The following SEPTIN9 variants were observed in gnomAD, a reference collection of about 807,000 sequenced individuals.
The protein encoded by SEPTIN9 is septin 9.
A neutral mutation model predicts 56.6 loss-of-function variants in SEPTIN9; 13 were observed. The ratio of observed to expected loss-of-function variants is 0.23; its 90% CI spans 0.15 to 0.37. The LOEUF is 0.37. Ranked by LOEUF, SEPTIN9 falls within the 10% of genes least tolerant of loss-of-function variation. The probability of loss-of-function intolerance (pLI) is 1.00; values close to 1 mark genes in which losing one functional copy is unlikely to be tolerated. For synonymous variants in SEPTIN9, 332 were observed against 334.1 expected (o/e 0.99, Z 0.07); for missense variants, 650 against 823.1 (o/e 0.79, Z 2.57).
In SEPTIN9 at chr17:77,429,947, C is replaced by T. The variant is rs1006682266; in HGVS notation, c.721+27244C>T. ...GCTTCTGGGTTCCATGGGCGCCTTA[C>T]ACTGGCTTCCCTGTAGGACAGCAGA... On this transcript the variant is annotated intron_variant, in intron 3 of 11. Coordinates refer to ENST00000427177, the MANE Select transcript of SEPTIN9 (RefSeq NM_001113491.2). The surrounding 1 kb of genome is among the most constrained non-coding windows in gnomAD (Gnocchi z 5.2). 6.6e-6 allele frequency among the ~76,000 whole-genome samples: 1 copy of T among 152,216 alleles called. No homozygotes were observed. The highest frequency in any genetic ancestry group is 1.5e-5 in the Non-Finnish European group (1 of 68,032).
chr17:77,475,572 G>T lies in SEPTIN9; in HGVS notation c.722-6572G>T, dbSNP rs751383625. Reference sequence around the variant, plus strand: ...AGGTGGCCGTAGGGCTGCCGCAGGGGTGCTGGCCCCAGGGTCTGGATTCAG... The same window carrying T: ...AGGTGGCCGTAGGGCTGCCGCAGGGTTGCTGGCCCCAGGGTCTGGATTCAG... On this transcript the variant is annotated intron_variant, in intron 3 of 11. Coordinates refer to ENST00000427177, the MANE Select transcript of SEPTIN9 (RefSeq NM_001113491.2). This position sits in a 1 kb window ranked among gnomAD's most constrained non-coding sequence, Gnocchi z 4.6. The T allele has an allele frequency of 5.0e-6, 8 of 1,613,396 alleles. No individual in the cohort carries two copies. The highest frequency in any genetic ancestry group is 4.4e-5 in the South Asian group (4 of 91,070).
chr17:77,488,480 A>G (rs893392605), intron 6 of SEPTIN9, among the ~76,000 whole-genome samples, 159 bp downstream of exon 6: 1 of 152,160 alleles, frequency 6.6e-6, no homozygotes, highest in African/African-American at 2.4e-5. Flanking sequence ...GGGCCTGAAA[A>G]TTCTGGACCA....
intron 2 of SEPTIN9, among the ~76,000 whole-genome samples, chr17:77,348,541 C>A (rs956045624): frequency 1.2e-4 from 18 of 152,138 alleles, no homozygotes; most frequent in African/African-American, 4.1e-4. Context: ...CTCAGGCGAT[C>A]CGCCCACCCT....
chr17:77,457,190 A>G (rs2038242992), intron 3 of SEPTIN9, among the ~76,000 whole-genome samples: 1 of 152,160 alleles, frequency 6.6e-6, no homozygotes, highest in Non-Finnish European at 1.5e-5. Flanking sequence ...CCGATGGCAC[A>G]GGGTCACCTG....
chr17:77,298,795 T>C (rs2031920323), intron 1 of SEPTIN9, among the ~76,000 whole-genome samples: 1 of 152,250 alleles, frequency 6.6e-6, no homozygotes. Flanking sequence ...ATACACAGGC[T>C]GACTTTATTA....
rs535652275 is a variant in SEPTIN9 at position 77,369,342 on chromosome 17, G to C, written c.77-32717G>C. Among the ~76,000 whole-genome samples the C allele has an allele frequency of 2.0e-5, 3 of 152,344 alleles. No homozygotes were observed. In the South Asian group the frequency reaches 6.2e-4, roughly 32 times the overall value. On this transcript the variant is annotated intron_variant, in intron 2 of 11. Transcript: ENST00000427177. The surrounding 1 kb of genome is among the most constrained non-coding windows in gnomAD (Gnocchi z 4.9). ...AGTGTTGTTGCTTTTGCTGGCCCCA[G>C]GTGGCCGGTTGTTGACCGTTAACTG...
At chr17:77,304,052 C>G (rs992086678) in intron 1 of SEPTIN9, among the ~76,000 whole-genome samples, 3 of 152,244 alleles carry the variant, frequency 2.0e-5, no homozygotes, top group African/African-American at 7.2e-5. Context: ...CACTTCTCAA[C>G]TGGAGCCACG....
chr17:77,370,616 T>C (rs929297924), intron 2 of SEPTIN9, among the ~76,000 whole-genome samples: 1 of 152,222 alleles, frequency 6.6e-6, no homozygotes, highest in African/African-American at 2.4e-5. Flanking sequence ...TTGCCTTCTT[T>C]TGTGACCGTG....
chr17:77,319,414 CAGGGG>C lies in SEPTIN9; in HGVS notation c.76+12219_76+12223del, dbSNP rs1198179445. The C allele has an allele frequency of 4.8e-6, 2 of 415,510 alleles. No individual in the cohort carries two copies. Among genetic ancestry groups the C allele is most frequent in the Non-Finnish European group, 6.7e-6 (2 of 299,180 alleles). The allele number at this position is 415,510 out of a possible 1,614,324, so 25.7% of individuals were successfully genotyped here. On this transcript the variant is annotated intron_variant, in intron 2 of 11. Coordinates refer to ENST00000427177, the MANE Select transcript of SEPTIN9 (RefSeq NM_001113491.2). The surrounding 1 kb of genome is among the most constrained non-coding windows in gnomAD (Gnocchi z 5.3). ...CCGGAGAGGAAGACTCGCTCCCTCC[CAGGGG>C]ACGGCTAGAGACTCACTGACTCATG... is the stretch of plus-strand genomic sequence containing the variant.
rs1247210141 is a variant in SEPTIN9 at position 77,312,908 on chromosome 17, G to A, written c.76+5711G>A. On this transcript the variant is annotated intron_variant, in intron 2 of 11. Coordinates refer to ENST00000427177, the MANE Select transcript of SEPTIN9 (RefSeq NM_001113491.2). ...TTTGCCTTGGTAGCCCTTCCACATT[G>A]CAAGCGTTCACTGCCACATGTGGCT... 2.0e-5 allele frequency among the ~76,000 whole-genome samples: 3 copies of A among 152,188 alleles called. No homozygotes were observed. In the East Asian group the frequency reaches 5.8e-4, roughly 29 times the overall value.
chr17:77,489,801 CA>C (rs1262995720), intron 7 of SEPTIN9, among the ~76,000 whole-genome samples: 3 of 152,218 alleles, frequency 2.0e-5, no homozygotes, highest in Non-Finnish European at 2.9e-5. Flanking sequence ...CAGCAGGAGT[CA>C]GGGGCAGGGG....
chr17:77,401,015 G>A (rs2035879852), intron 2 of SEPTIN9, among the ~76,000 whole-genome samples: 1 of 152,160 alleles, frequency 6.6e-6, no homozygotes, highest in Admixed American at 6.5e-5. Context: ...AGTAGTGGAT[G>A]GGAAGATGCA....
At chr17:77,397,955 C>T (rs1030786551) in intron 2 of SEPTIN9, among the ~76,000 whole-genome samples, 1 of 151,442 alleles carries the variant, frequency 6.6e-6, no homozygotes, top group Non-Finnish European at 1.5e-5. Flanking sequence ...AGCCACCACG[C>T]CTGGCATTTA....
chr17:77,338,533 C>T (rs1169423454), intron 2 of SEPTIN9, among the ~76,000 whole-genome samples: 1 of 152,152 alleles, frequency 6.6e-6, no homozygotes, highest in Non-Finnish European at 1.5e-5. Context: ...ATTCTCCTGC[C>T]TCAGCCTCCC....
At position 77,475,197 on chromosome 17, in the gene SEPTIN9, T is replaced by C. The variant is rs1338223625; in HGVS notation, c.722-6947T>C. The C allele has an allele frequency of 1.7e-5, 21 of 1,212,856 alleles. No individual in the cohort carries two copies. In the East Asian group the frequency reaches 3.7e-4, roughly 22 times the overall value. The allele number at this position is 1,212,856 out of a possible 1,614,324, so 75.1% of individuals were successfully genotyped here. A position where few individuals can be genotyped will look rare whatever the true frequency, so the allele number is the denominator to read the frequency against. ...ATGAGGTGTCTGGCTTCACAAACCC[T>C]GTGTGGGGGGGTTGTGGTGAGAGGA... is the stretch of plus-strand genomic sequence containing the variant. On this transcript the variant is annotated intron_variant, in intron 3 of 11. Coordinates refer to ENST00000427177, the MANE Select transcript of SEPTIN9 (RefSeq NM_001113491.2). This position sits in a 1 kb window ranked among gnomAD's most constrained non-coding sequence, Gnocchi z 4.6.
chr17:77,308,528 A>G (rs1014446192), intron 2 of SEPTIN9, among the ~76,000 whole-genome samples: 11 of 152,222 alleles, frequency 7.2e-5, no homozygotes, highest in African/African-American at 2.7e-4. Context: ...TCTATTGCAC[A>G]CTCAAAGTAT....
In SEPTIN9 at chr17:77,475,189, A is replaced by ATT; in HGVS notation, c.722-6955_722-6954insTT. On this transcript the variant is annotated intron_variant, in intron 3 of 11. Coordinates refer to ENST00000427177, the MANE Select transcript of SEPTIN9 (RefSeq NM_001113491.2). This position sits in a 1 kb window ranked among gnomAD's most constrained non-coding sequence, Gnocchi z 4.6. ...CGTGATGGATGAGGTGTCTGGCTTC[A>ATT]CAAACCCTGTGTGGGGGGGTTGTGG... is the stretch of plus-strand genomic sequence containing the variant. 8.4e-7 allele frequency: 1 copy of ATT among 1,197,406 alleles called. No homozygotes were observed. The highest frequency in any genetic ancestry group is 1.0e-6 in the Non-Finnish European group (1 of 959,826). 74.2% of individuals were successfully genotyped at this position (1,197,406 alleles called of 1,614,324 possible). A position where few individuals can be genotyped will look rare whatever the true frequency, so the allele number is the denominator to read the frequency against.
intron 1 of SEPTIN9, among the ~76,000 whole-genome samples, chr17:77,285,856 C>T (rs539392738): frequency 7.9e-5 from 12 of 152,336 alleles, no homozygotes; most frequent in South Asian, 2.1e-4. Context: ...GCTGGCTCGC[C>T]GTGGTGGACA....
chr17:77,430,637 C>T (rs1037867569), intron 3 of SEPTIN9, among the ~76,000 whole-genome samples: 1 of 152,202 alleles, frequency 6.6e-6, no homozygotes, highest in African/African-American at 2.4e-5. Flanking sequence ...TGCCGGCTGA[C>T]AGCTCACTGG....
Sources: gnomAD v4.1 joint callset for allele counts (sites outside exome capture counted in the v4.1 genomes callset) on GRCh38, gnomAD v4.1.1 for gene constraint, Gnocchi (gnomAD v3.1) non-coding constraint, MANE v1.5 for transcripts, NCBI Gene and HGNC (gene_info 2026-07-23, HGNC 2026-07-21) for gene names.